Variants in DNAAF9 observed in about 807,000 individuals in gnomAD.
DNAAF9 encodes shulin.
DNAAF9 carries 90 observed loss-of-function variants against 167.0 expected under a neutral mutation model. The observed-to-expected ratio is 0.54, with a 90% CI of 0.45 to 0.64. The LOEUF is 0.64. DNAAF9 is among the 30% of genes least tolerant of loss of function. The pLI is 0.00. For synonymous variants in DNAAF9, 491 were observed against 508.8 expected (o/e 0.96, Z 0.47); for missense variants, 1,315 against 1,442.2 (o/e 0.91, Z 1.43).
intron 8 of DNAAF9, 91 bp from the exon 9 acceptor site, chr20:3,343,822 C>T (rs2070134224): frequency 1.1e-6 from 1 of 933,500 alleles, no homozygotes; most frequent in Non-Finnish European, 1.7e-6. Context: ...TACACACATG[C>T]TTCAGGAGAG....
At chr20:3,368,739 C>T (rs1025269195) in intron 6 of DNAAF9, among the ~76,000 whole-genome samples, 4 of 151,954 alleles carry the variant, frequency 2.6e-5, no homozygotes, top group Non-Finnish European at 2.9e-5. Context: ...AGGATGGTCT[C>T]GATCTCCTGA....
At chr20:3,338,085 T>C (rs1004308325) in intron 10 of DNAAF9, among the ~76,000 whole-genome samples, 1 of 149,586 alleles carries the variant, frequency 6.7e-6, no homozygotes, top group African/African-American at 2.4e-5. Context: ...ATAATATATA[T>C]ACACACATAC....
At chr20:3,405,444 G>C (rs572877609) in intron 1 of DNAAF9, among the ~76,000 whole-genome samples, 1 of 152,186 alleles carries the variant, frequency 6.6e-6, no homozygotes, top group Admixed American at 6.5e-5. Flanking sequence ...GGAAAGGCTT[G>C]AATGGGCAAG....
Position 3,324,909 on chromosome 20 carries a change from C to A in DNAAF9, c.1248G>T (p.Pro416=). 1 of 1,601,216 alleles carries A rather than the reference C, an allele frequency of 6.2e-7. No individual in the cohort carries two copies. The highest frequency in any genetic ancestry group is 8.6e-7 in the Non-Finnish European group (1 of 1,168,294). Residue 416 remains proline, a synonymous_variant, in exon 14 of 37, where the codon CCG becomes CCT. Transcript: ENST00000252032. ...TTGCTTACCGCAGGGCTGCCTTAAA[C>A]GGAATCAACTCAAAGGAATCTAACC... ...GSGLDSFELI[P]FKAALRSKMT... is the part of the protein sequence containing the mutation.
intron 1 of DNAAF9, among the ~76,000 whole-genome samples, chr20:3,389,177 A>G (rs2083791046): frequency 6.6e-6 from 1 of 151,114 alleles, no homozygotes; most frequent in Non-Finnish European, 1.5e-5. Context: ...CACAGGTCTC[A>G]CTCTGTTGCT....
At chr20:3,372,823 T>C (rs1261607356) in intron 6 of DNAAF9, among the ~76,000 whole-genome samples, 3 of 152,054 alleles carry the variant, frequency 2.0e-5, no homozygotes, top group African/African-American at 7.3e-5. Context: ...ACTATAAGAA[T>C]GAAATCAGTC....
At chr20:3,373,102 A>G (rs533523127) in intron 6 of DNAAF9, among the ~76,000 whole-genome samples, 1 of 152,332 alleles carries the variant, frequency 6.6e-6, no homozygotes, top group East Asian at 1.9e-4. Context: ...TGCAAAAGGA[A>G]AAGTGGAGTC....
chr20:3,262,068 G>C (rs774256037), intron 31 of DNAAF9, among the ~76,000 whole-genome samples: 3 of 152,206 alleles, frequency 2.0e-5, no homozygotes, highest in Admixed American at 2.0e-4. Flanking sequence ...TCTGACCCAC[G>C]TGAGAGGGGA....
chr20:3,401,764 G>C (rs746682217), intron 1 of DNAAF9, among the ~76,000 whole-genome samples: 6 of 152,158 alleles, frequency 3.9e-5, no homozygotes, highest in Admixed American at 2.0e-4. Flanking sequence ...CTTTCCAGGG[G>C]TGATAGAGAA....
At chr20:3,286,478 G>A (rs2068855025) in intron 27 of DNAAF9, among the ~76,000 whole-genome samples, 1 of 152,148 alleles carries the variant, frequency 6.6e-6, no homozygotes, top group African/African-American at 2.4e-5. Context: ...TCAACTGGTG[G>A]GGGCAGGCAG....
Position 3,256,177 on chromosome 20 carries a change from T to C in DNAAF9, c.3090A>G (p.Thr1030=). The C allele has an allele frequency of 1.2e-6, 2 of 1,614,060 alleles. No homozygotes were observed. Among genetic ancestry groups the C allele is most frequent in the Non-Finnish European group, 1.7e-6 (2 of 1,179,988 alleles). The change falls in exon 34 of 37, where the codon ACA becomes ACG. Residue 1030 remains threonine, a synonymous_variant. Coordinates refer to ENST00000252032, the MANE Select transcript of DNAAF9 (RefSeq NM_001009984.3). ...GCATGATGCTCAAGGAGTTGGCCAG[T>C]GTGTTGTAGCAGACCTCCATGGTCC... ...SERTMEVCYN[T]LANSLSIMPV...
intron 11 of DNAAF9, among the ~76,000 whole-genome samples, chr20:3,330,989 G>C (rs2123077429): frequency 6.6e-6 from 1 of 151,500 alleles, no homozygotes; most frequent in East Asian, 2.0e-4. Flanking sequence ...ATGGGGTTTT[G>C]CCATGTTGGC....
intron 20 of DNAAF9, among the ~76,000 whole-genome samples, chr20:3,312,971 G>T (rs1468063548): frequency 6.6e-6 from 1 of 152,190 alleles, no homozygotes; most frequent in Non-Finnish European, 1.5e-5. Context: ...CCCTGGCTGT[G>T]CCCTTTATCT....
At position 3,403,431 on chromosome 20, in the gene DNAAF9, C is replaced by A. The variant is rs1350778272; in HGVS notation, c.83+4044G>T. ...TACAGAAGTAATCAGAAGAGAACTTCCACTTTCTCCCACCAACAAGCTACC... is the reference window on the plus strand; with the variant it reads ...TACAGAAGTAATCAGAAGAGAACTTACACTTTCTCCCACCAACAAGCTACC... On this transcript the variant is annotated intron_variant, in intron 1 of 36. Transcript: ENST00000252032. 2.0e-5 allele frequency among the ~76,000 whole-genome samples: 3 copies of A among 151,322 alleles called. No homozygotes were observed. The Admixed American group carries it at 2.0e-4, about 10-fold the overall frequency.
chr20:3,303,847 A>T (rs1033491114), intron 21 of DNAAF9, among the ~76,000 whole-genome samples: 1 of 152,210 alleles, frequency 6.6e-6, no homozygotes, highest in African/African-American at 2.4e-5. Context: ...CCTTAAGGTG[A>T]ATGGGAAGTG....
At chr20:3,361,422 C>T (rs1167203187) in intron 6 of DNAAF9, among the ~76,000 whole-genome samples, 1 of 152,166 alleles carries the variant, frequency 6.6e-6, no homozygotes, top group Non-Finnish European at 1.5e-5. Context: ...CAGGCTGCGA[C>T]CTGAAGCCTT....
intron 6 of DNAAF9, among the ~76,000 whole-genome samples, chr20:3,371,333 CTTTTTTTTT>C (rs532202424): frequency 1.2e-5 from 1 of 84,074 alleles, no homozygotes; most frequent in Non-Finnish European, 2.2e-5. Context: ...TGAAGAAAAT[CTTTTTTTTT>C]TTTTTTTTTT....
intron 33 of DNAAF9, among the ~76,000 whole-genome samples, chr20:3,259,189 T>C (rs1435615151): frequency 6.6e-6 from 1 of 151,822 alleles, no homozygotes; most frequent in African/African-American, 2.4e-5. Context: ...AGGTGTGGAG[T>C]GTAAGGCTCT....
intron 1 of DNAAF9, among the ~76,000 whole-genome samples, chr20:3,396,007 T>C (rs1787796063): frequency 6.6e-6 from 1 of 152,190 alleles, no homozygotes; most frequent in Admixed American, 6.5e-5. Flanking sequence ...ATAAGTCCCA[T>C]GAGATCTGAT....
Sources: gnomAD v4.1 joint callset for allele counts (sites outside exome capture counted in the v4.1 genomes callset) on GRCh38, gnomAD v4.1.1 for gene constraint, MANE v1.5 for transcripts, NCBI Gene and HGNC (gene_info 2026-07-23, HGNC 2026-07-21) for gene names.